GALNT17: variants seen among roughly 807,000 people sequenced by gnomAD.
GALNT17 encodes the protein UDP-GalNAc:polypeptide N-acetylgalactosaminyltransferase-like 3.
A neutral mutation model predicts 63.7 loss-of-function variants in GALNT17; 29 were observed. That is an observed-to-expected ratio of 0.46 (90% confidence interval 0.34 to 0.62). The LOEUF (loss-of-function observed/expected upper bound fraction) is 0.62. Ranked by LOEUF, GALNT17 falls within the 20% of genes least tolerant of loss-of-function variation. GALNT17 has a pLI of 0.01. For synonymous variants in GALNT17, 305 were observed against 318.3 expected (o/e 0.96, Z 0.45); for missense variants, 603 against 799.6 (o/e 0.75, Z 2.97).
At chr7:71,495,252 G>A (rs1261269356) in intron 5 of GALNT17, among the ~76,000 whole-genome samples, 1 of 151,978 alleles carries the variant, frequency 6.6e-6, no homozygotes, top group Non-Finnish European at 1.5e-5. Context: ...CTCCAGCCTG[G>A]GTGACAGAGC....
chr7:71,358,327 G>A (rs758130457), intron 2 of GALNT17, among the ~76,000 whole-genome samples: 23 of 152,220 alleles, frequency 1.5e-4, no homozygotes, highest in Non-Finnish European at 2.2e-4. Context: ...CGCCGGAGGC[G>A]GAGGTTGTAG....
chr7:71,576,170 C>T (rs565724333), intron 6 of GALNT17, among the ~76,000 whole-genome samples: 3 of 152,228 alleles, frequency 2.0e-5, no homozygotes, highest in East Asian at 3.9e-4. Flanking sequence ...AAACATGGCA[C>T]CCAAGACTGC....
intron 5 of GALNT17, among the ~76,000 whole-genome samples, chr7:71,480,679 A>G (rs1001850605): frequency 6.6e-6 from 1 of 152,044 alleles, no homozygotes; most frequent in African/African-American, 2.4e-5. Flanking sequence ...GCAAATTTTT[A>G]TATTTTTAAT....
At chr7:71,377,114 A>T (rs201734048) in intron 2 of GALNT17, among the ~76,000 whole-genome samples, 3,633 of 56,596 alleles carry the variant, frequency 0.064, 511 homozygotes, top group East Asian at 0.29. Context: ...AAATAAAAAA[A>T]ATATATATAT....
intron 3 of GALNT17, among the ~76,000 whole-genome samples, chr7:71,397,970 TG>T (rs1315780343): frequency 6.6e-6 from 1 of 151,350 alleles, no homozygotes; most frequent in Non-Finnish European, 1.5e-5. Flanking sequence ...TTGTTGTTGT[TG>T]TTGTTGTTTT....
At chr7:71,518,325 T>G (rs988042253) in intron 5 of GALNT17, among the ~76,000 whole-genome samples, 4 of 152,216 alleles carry the variant, frequency 2.6e-5, no homozygotes, top group Non-Finnish European at 5.9e-5. Flanking sequence ...AAGAAAACAA[T>G]TATCTTCATA....
intron 3 of GALNT17, among the ~76,000 whole-genome samples, chr7:71,413,511 A>C (rs1373729014): frequency 2.0e-5 from 3 of 149,678 alleles, no homozygotes; most frequent in Non-Finnish European, 4.4e-5. Context: ...GATTACAGGT[A>C]CCCGCCACCA....
intron 1 of GALNT17, among the ~76,000 whole-genome samples, chr7:71,140,541 G>T (rs545987920): frequency 6.6e-6 from 1 of 152,166 alleles, no homozygotes; most frequent in Admixed American, 6.5e-5. Flanking sequence ...TGTCATTCTT[G>T]CTGAAGAAAC....
intron 1 of GALNT17, among the ~76,000 whole-genome samples, chr7:71,320,451 A>G (rs544944685): frequency 5.3e-5 from 8 of 151,322 alleles, no homozygotes; most frequent in Non-Finnish European, 1.0e-4. Flanking sequence ...GAGTCTTGCT[A>G]TGTTGCCCAG....
At chr7:71,671,456 C>T (rs897714311) in intron 8 of GALNT17, among the ~76,000 whole-genome samples, 1 of 152,184 alleles carries the variant, frequency 6.6e-6, no homozygotes, top group Non-Finnish European at 1.5e-5. Flanking sequence ...AATAAATCAA[C>T]CACAGGTTAA....
At chr7:71,660,085 C>G (rs1790884403) in intron 6 of GALNT17, among the ~76,000 whole-genome samples, 1 of 152,208 alleles carries the variant, frequency 6.6e-6, no homozygotes, top group South Asian at 2.1e-4. Context: ...AGGACCTTGT[C>G]TACTAGCACC....
At chr7:71,562,005 G>C (rs1250982672) in intron 5 of GALNT17, among the ~76,000 whole-genome samples, 2 of 151,922 alleles carry the variant, frequency 1.3e-5, no homozygotes, top group Non-Finnish European at 2.9e-5. Context: ...ACCCAGGCTG[G>C]AGTGCAGTGG....
At chr7:71,390,198 C>G (rs550321513) in intron 3 of GALNT17, among the ~76,000 whole-genome samples, 1 of 152,266 alleles carries the variant, frequency 6.6e-6, no homozygotes, top group South Asian at 2.1e-4. Flanking sequence ...GAGGGATTAC[C>G]CTGCAAGCTG....
At chr7:71,229,270 C>T (rs551772868) in intron 1 of GALNT17, among the ~76,000 whole-genome samples, 8 of 152,186 alleles carry the variant, frequency 5.3e-5, no homozygotes, top group African/African-American at 9.7e-5. Flanking sequence ...CAGGCCACTG[C>T]GACTTGGGAG....
At chr7:71,235,977 C>T (rs183215433) in intron 1 of GALNT17, among the ~76,000 whole-genome samples, 2 of 152,206 alleles carry the variant, frequency 1.3e-5, no homozygotes, top group African/African-American at 4.8e-5. Context: ...GTCAGGAGTT[C>T]GAGACCAGGC....
At chr7:71,252,248 C>T (rs566118879) in intron 1 of GALNT17, among the ~76,000 whole-genome samples, 71 of 148,900 alleles carry the variant, frequency 4.8e-4, no homozygotes, top group South Asian at 1.3e-3. Context: ...AAGATGAGGC[C>T]GGGTGCAGTG....
intron 6 of GALNT17, among the ~76,000 whole-genome samples, chr7:71,593,517 G>A (rs1165429472): frequency 6.6e-6 from 1 of 152,042 alleles, no homozygotes; most frequent in Admixed American, 6.6e-5. Context: ...GCCCATCTTG[G>A]CCTCCCAAAG....
chr7:71,275,303 C>T (rs1471572411), intron 1 of GALNT17, among the ~76,000 whole-genome samples: 2 of 152,254 alleles, frequency 1.3e-5, no homozygotes, highest in African/African-American at 2.4e-5. Context: ...TAGTGACTCA[C>T]GCCTGTAATC....
intron 9 of GALNT17, among the ~76,000 whole-genome samples, chr7:71,693,309 C>CACATAT (rs1554325721): frequency 1.6e-4 from 20 of 124,192 alleles, no homozygotes; most frequent in African/African-American, 5.6e-4. Flanking sequence ...CACACACACA[C>CACATAT]ATATATATAT....
Sources: allele counts gnomAD v4.1 joint callset (sites outside exome capture counted in the v4.1 genomes callset), GRCh38; gene constraint gnomAD v4.1.1; transcripts MANE v1.5; gene names NCBI Gene and HGNC (gene_info 2026-07-23, HGNC 2026-07-21).